Variants in AKAP13 observed in about 807,000 individuals in gnomAD.
AKAP13 encodes A-kinase anchoring protein 13.
Under a neutral mutation model 264.5 loss-of-function variants are expected in AKAP13, and 80 were observed. The observed-to-expected ratio is 0.30, with a 90% CI of 0.25 to 0.36. AKAP13 has a LOEUF of 0.36. AKAP13 is among the 10% of genes least tolerant of loss of function. The probability of loss-of-function intolerance (pLI) is 1.00; values close to 1 mark genes in which losing one functional copy is unlikely to be tolerated. For synonymous variants in AKAP13, 1,380 were observed against 1,250.2 expected, an observed-to-expected ratio of 1.10 and a Z score of -2.19; for missense variants, 3,712 against 3,435.2, an observed-to-expected ratio of 1.08 and a Z score of -2.01.
intron 1 of AKAP13, among the ~76,000 whole-genome samples, chr15:85,471,258 G>A (rs1357332748): frequency 1.3e-5 from 2 of 152,212 alleles, no homozygotes; most frequent in Non-Finnish European, 2.9e-5. Context: ...CACTTTGGGA[G>A]GCCGAGGCAG....
rs927976700 is a variant in AKAP13 at position 85,575,217 on chromosome 15, T to G, written c.749T>G (p.Leu250Trp). 1.9e-6 allele frequency: 3 copies of G among 1,614,170 alleles called. No homozygotes were observed. Among genetic ancestry groups the G allele is most frequent in the Non-Finnish European group, 2.5e-6 (3 of 1,180,018 alleles). ...TGTTCTGTGAGGCATCATCGAGAGT[T>G]GGACATCTATACATTAACCTCTGAG... ...GDCSVRHHRE[L>W]DIYTLTSESD... is the part of the protein sequence containing the mutation. Residue 250 changes from leucine to tryptophan, a missense_variant, in exon 6 of 37, where the codon TTG becomes TGG. Around this residue, in one of 3 missense-constraint regions of AKAP13, gnomAD observed 2,759 missense variants for 2,411.7 expected, o/e 1.14. Coordinates refer to ENST00000394518, the MANE Select transcript of AKAP13 (RefSeq NM_007200.5).
chr15:85,642,568 G>C (rs966521514), intron 9 of AKAP13, among the ~76,000 whole-genome samples: 1 of 152,220 alleles, frequency 6.6e-6, no homozygotes, highest in Admixed American at 6.5e-5. Context: ...GCGTTAGGGG[G>C]TTATAATGGT....
At chr15:85,491,261 T>G (rs2075713603) in intron 2 of AKAP13, among the ~76,000 whole-genome samples, 1 of 151,990 alleles carries the variant, frequency 6.6e-6, no homozygotes, top group Non-Finnish European at 1.5e-5. Context: ...TCAGAAAACA[T>G]TAGAGCTCCT....
rs764431565 is a variant in AKAP13 at position 85,585,725 on chromosome 15, G to C, written c.4063G>C (p.Asp1355His). 1.2e-6 allele frequency: 2 copies of C among 1,614,152 alleles called. No individual in the cohort carries two copies. Among genetic ancestry groups the C allele is most frequent in the Non-Finnish European group, 1.7e-6 (2 of 1,179,986 alleles). Reference protein sequence around the residue: ...AAEMPDVKAEDEVDFRASSIS... With the variant: ...AAEMPDVKAEHEVDFRASSIS... ...AGAAATGCCAGACGTGAAAGCTGAA[G>C]ATGAAGTGGATTTTAGAGCAAGTTC... Residue 1355 changes from aspartate (D) to histidine (H), a missense_variant, in exon 8 of 37, where the codon GAT becomes CAT. By Grantham distance (81) the Asp-to-His change is moderately conservative (BLOSUM62 -1). Around this residue, in one of 3 missense-constraint regions of AKAP13, gnomAD observed 2,759 missense variants for 2,411.7 expected, o/e 1.14. Transcript: ENST00000394518.
intron 17 of AKAP13, among the ~76,000 whole-genome samples, chr15:85,703,969 T>C (rs937122926): frequency 6.6e-6 from 1 of 152,146 alleles, no homozygotes; most frequent in Non-Finnish European, 1.5e-5. Context: ...TTTTGTAGCA[T>C]GCATTTCTAA....
chr15:85,465,367 A>G (rs1234282581), intron 1 of AKAP13, among the ~76,000 whole-genome samples: 1 of 151,968 alleles, frequency 6.6e-6, no homozygotes, highest in Non-Finnish European at 1.5e-5. Context: ...TATTATTATT[A>G]TACTTTAAGT....
At chr15:85,679,478 T>G (rs2084460217) in intron 14 of AKAP13, among the ~76,000 whole-genome samples, 1 of 152,188 alleles carries the variant, frequency 6.6e-6, no homozygotes, top group Non-Finnish European at 1.5e-5. Flanking sequence ...GGCCAAATAT[T>G]AGTAAATTTA....
chr15:85,485,603 G>C lies in AKAP13; in HGVS notation c.-11-107G>C. The C allele has an allele frequency of 3.4e-6, 3 of 892,912 alleles. No homozygotes were observed. In the South Asian group the frequency reaches 4.5e-5, roughly 13 times the overall value. 55.3% of individuals were successfully genotyped at this position (892,912 alleles called of 1,614,324 possible). On this transcript the variant is annotated intron_variant, in intron 1 of 36. Transcript: ENST00000394518. Reference sequence around the variant, plus strand: ...CTGGGCATATGGTAATCTCGGGCACGGGATTGTACTCACAGAGCTATGCTT... The same window carrying C: ...CTGGGCATATGGTAATCTCGGGCACCGGATTGTACTCACAGAGCTATGCTT...
chr15:85,586,131 A>C (rs1010924047), intron 8 of AKAP13, among the ~76,000 whole-genome samples: 5 of 151,968 alleles, frequency 3.3e-5, no homozygotes, highest in South Asian at 2.1e-4. Context: ...ACAAAATCTG[A>C]GCTATCACAA....
intron 2 of AKAP13, among the ~76,000 whole-genome samples, chr15:85,501,075 A>G (rs1180306979): frequency 6.6e-6 from 1 of 152,200 alleles, no homozygotes; most frequent in African/African-American, 2.4e-5. Flanking sequence ...TTTGTTAAAG[A>G]AGGCCAGGGG....
At chr15:85,671,860 A>C (rs1394955584) in intron 14 of AKAP13, among the ~76,000 whole-genome samples, 1 of 152,208 alleles carries the variant, frequency 6.6e-6, no homozygotes, top group African/African-American at 2.4e-5. Flanking sequence ...TTCTACAGCA[A>C]CAGATAACTA....
chr15:85,509,371 T>C (rs998375775), intron 2 of AKAP13, among the ~76,000 whole-genome samples: 2 of 152,182 alleles, frequency 1.3e-5, no homozygotes, highest in Admixed American at 1.3e-4. Flanking sequence ...TGCTTTGTAA[T>C]GGTATTGATT....
chr15:85,709,089 T>A (rs1206515406), intron 18 of AKAP13, among the ~76,000 whole-genome samples: 1 of 152,236 alleles, frequency 6.6e-6, no homozygotes, highest in East Asian at 1.9e-4. Context: ...GCTCATGTAG[T>A]ATTTTTAAAA....
chr15:85,529,456 T>G (rs1197229634), intron 3 of AKAP13, among the ~76,000 whole-genome samples: 2 of 152,144 alleles, frequency 1.3e-5, no homozygotes, highest in African/African-American at 4.8e-5. Flanking sequence ...CCTGCAGTCT[T>G]TATGTACAAA....
chr15:85,567,252 C>T (rs566837919), intron 5 of AKAP13, among the ~76,000 whole-genome samples: 22 of 151,944 alleles, frequency 1.4e-4, no homozygotes, highest in South Asian at 6.3e-4. Flanking sequence ...GGACTACAGG[C>T]GTGTACCACC....
chr15:85,405,594 CTG>C (rs1332264304), intron 1 of AKAP13, among the ~76,000 whole-genome samples: 2 of 152,090 alleles, frequency 1.3e-5, no homozygotes, highest in Non-Finnish European at 2.9e-5. Flanking sequence ...GATTTTATCT[CTG>C]TGTTTTAGTT....
intron 1 of AKAP13, among the ~76,000 whole-genome samples, chr15:85,466,440 C>G (rs537251903): frequency 6.6e-6 from 1 of 152,142 alleles, no homozygotes; most frequent in Non-Finnish European, 1.5e-5. Flanking sequence ...TGCCTATGTC[C>G]TGAATGGTAA....
intron 1 of AKAP13, among the ~76,000 whole-genome samples, chr15:85,440,713 C>T (rs939105083): frequency 6.6e-6 from 1 of 152,170 alleles, no homozygotes; most frequent in Non-Finnish European, 1.5e-5. Flanking sequence ...TTCCTTTTTG[C>T]TATGAAAGCT....
intron 1 of AKAP13, among the ~76,000 whole-genome samples, chr15:85,477,280 C>T (rs777730968): frequency 6.6e-6 from 1 of 151,626 alleles, no homozygotes; most frequent in Non-Finnish European, 1.5e-5. Flanking sequence ...CCCTGGTGCT[C>T]AAGTCTACAA....
Sources: gnomAD v4.1 joint callset for allele counts (sites outside exome capture counted in the v4.1 genomes callset) on GRCh38, gnomAD v4.1.1 for gene constraint, gnomAD v4.1.1 regional missense constraint, MANE v1.5 for transcripts, NCBI Gene and HGNC (gene_info 2026-07-23, HGNC 2026-07-21) for gene names.